Variants in USP35 observed in about 807,000 individuals in gnomAD.
The protein encoded by USP35 is ubiquitin specific peptidase 35.
Under a neutral mutation model 83.8 loss-of-function variants are expected in USP35, and 69 were observed. That is an observed-to-expected ratio of 0.82 (90% CI 0.68 to 1.01). The LOEUF is 1.01. Ranked by LOEUF, USP35 falls within the 50% of genes least tolerant of loss-of-function variation. The probability of loss-of-function intolerance (pLI) is 0.00; values close to 1 mark genes in which losing one functional copy is unlikely to be tolerated. For synonymous variants in USP35, 714 were observed against 589.5 expected (o/e 1.21, Z -3.06); for missense variants, 1,503 against 1,362.5 (o/e 1.10, Z -1.62).
rs149083289 is a variant in USP35, at chr11:78,205,773, A to G, written c.1198-69A>G. On this transcript the variant is annotated intron_variant, in intron 6 of 10. Coordinates refer to ENST00000529308, the MANE Select transcript of USP35 (RefSeq NM_020798.4). ...GGCTGTATCTGAGAAGGCCTCCCAGAAGAGGTGGTAGTTTTTTGAGCTGAC... is the reference window on the plus strand; with the variant it reads ...GGCTGTATCTGAGAAGGCCTCCCAGGAGAGGTGGTAGTTTTTTGAGCTGAC... The G allele has an allele frequency of 1.9e-3, 2,853 of 1,535,114 alleles. 28 individuals are homozygous for G. In the African/African-American group the frequency reaches 0.033, roughly 18 times the overall value.
At chr11:78,199,527 C>G in intron 3 of USP35, 68 bp from the exon 4 acceptor site, 1 of 1,606,810 alleles carries the variant, frequency 6.2e-7, no homozygotes, top group South Asian at 1.1e-5. Context: ...CGGATAGCCC[C>G]TGGGCTGCCC....
At chr11:78,236,227 T>G in the USP35 span, among the ~76,000 whole-genome samples, 1 of 152,228 alleles carries the variant, frequency 6.6e-6, no homozygotes, top group Non-Finnish European at 1.5e-5. Flanking sequence ...TTAAAATTTT[T>G]TCATTTTCCA....
chr11:78,236,179 C>T, the USP35 span, among the ~76,000 whole-genome samples: 1 of 152,132 alleles, frequency 6.6e-6, no homozygotes, highest in Non-Finnish European at 1.5e-5. Context: ...AATTTATTCC[C>T]AAGTATTCCA....
chr11:78,223,737 G>T, the USP35 span: 33 of 1,362,324 alleles, frequency 2.4e-5, no homozygotes, highest in Non-Finnish European at 3.2e-5. Flanking sequence ...CAGGAAGGGG[G>T]TAAGACTTTG....
chr11:78,226,528 C>A, the USP35 span: 1 of 1,603,648 alleles, frequency 6.2e-7, no homozygotes, highest in African/African-American at 1.4e-5. Flanking sequence ...GTGGCAGCGA[C>A]AGATCTGCTA....
intron 3 of USP35, chr11:78,198,499 C>T (rs1863226833): frequency 1.9e-6 from 1 of 527,274 alleles, no homozygotes; most frequent in Non-Finnish European, 2.4e-6. Flanking sequence ...TCCCCCACCT[C>T]ATCTGAACGT....
the USP35 span, among the ~76,000 whole-genome samples, chr11:78,223,045 C>G: frequency 3.3e-5 from 5 of 152,176 alleles, no homozygotes; most frequent in Non-Finnish European, 5.9e-5. Context: ...TTGGCCAGAC[C>G]CACAGGGGGC....
At chr11:78,227,276 C>A in the USP35 span, among the ~76,000 whole-genome samples, 1 of 152,176 alleles carries the variant, frequency 6.6e-6, no homozygotes, top group Non-Finnish European at 1.5e-5. Context: ...GGGGTTATAA[C>A]CCCCACTCCC....
intron 8 of USP35, among the ~76,000 whole-genome samples, 154 bp downstream of exon 8, chr11:78,207,777 T>A (rs1444679195): frequency 1.3e-5 from 2 of 152,314 alleles, no homozygotes; most frequent in East Asian, 1.9e-4. Context: ...TGGAACTGAT[T>A]TAGTGCCCTG....
At position 78,196,538 on chromosome 11, in the gene USP35, C is replaced by G; in HGVS notation, c.293C>G (p.Pro98Arg). ...LLQGGAGPPG[P>R]RALACVQLGL... ...CAGGGTGGCGCCGGCCCCCCGGGCC[C>G]CCGCGCGCTCGCCTGCGTGCAGCTG... The change falls in exon 2 of 11, where the codon CCC becomes CGC. Residue 98 changes from proline to arginine, a missense_variant. Physicochemically the swap from Pro to Arg is moderately radical, Grantham distance 103. Transcript: ENST00000529308. This position sits in a 1 kb window ranked among gnomAD's most constrained non-coding sequence, Gnocchi z 4.8. 1 of 1,230,106 alleles carries G rather than the reference C, an allele frequency of 8.1e-7. No homozygotes were observed. The allele number at this position is 1,230,106 out of a possible 1,614,324, so 76.2% of individuals were successfully genotyped here. A position where few individuals can be genotyped will look rare whatever the true frequency, so the allele number is the denominator to read the frequency against.
At chr11:78,206,111 T>G in intron 7 of USP35, 76 bp downstream of exon 7, 4 of 1,479,822 alleles carry the variant, frequency 2.7e-6, no homozygotes, top group Non-Finnish European at 2.8e-6. Flanking sequence ...TGGAAAGGTG[T>G]CCGGGGTGGG....
chr11:78,192,064 C>G (rs2137021332), intron 1 of USP35, among the ~76,000 whole-genome samples: 1 of 152,244 alleles, frequency 6.6e-6, no homozygotes, highest in East Asian at 1.9e-4. Flanking sequence ...AGGACCTCAT[C>G]TTTTTTATAC....
At chr11:78,208,991 T>C in intron 9 of USP35, 28 bp downstream of exon 9, 3 of 1,609,212 alleles carry the variant, frequency 1.9e-6, no homozygotes, top group Non-Finnish European at 2.6e-6. Flanking sequence ...ACGCGAAGAC[T>C]CCAGGTCTAG....
At chr11:78,225,172 T>A in the USP35 span, 1 of 1,613,018 alleles carries the variant, frequency 6.2e-7, no homozygotes, top group Admixed American at 1.7e-5. Flanking sequence ...TCCACCACGC[T>A]GTGGGTACTC....
chr11:78,231,336 G>GGTGTGTGTGTGCGTGTGT, the USP35 span, among the ~76,000 whole-genome samples: 132 of 145,896 alleles, frequency 9.0e-4, 1 homozygote, highest in African/African-American at 3.2e-3. Context: ...GCGCGTGTGT[G>GGTGTGTGTGTGCGTGTGT]GTGTGTGTGT....
intron 9 of USP35, 120 bp downstream of exon 9, chr11:78,209,083 G>A: frequency 9.5e-7 from 1 of 1,051,774 alleles, no homozygotes; most frequent in Non-Finnish European, 1.4e-6. Flanking sequence ...AACATGTGGA[G>A]GGCGTGGAGA....
At chr11:78,227,792 CCT>C in the USP35 span, among the ~76,000 whole-genome samples, 2 of 151,904 alleles carry the variant, frequency 1.3e-5, no homozygotes, top group Non-Finnish European at 2.9e-5. Flanking sequence ...AGAATGAGAC[CCT>C]GTTTCAAAAA....
intron 7 of USP35, 46 bp from the exon 8 acceptor site, chr11:78,207,484 T>C (rs1863566122): frequency 1.3e-6 from 2 of 1,598,980 alleles, no homozygotes; most frequent in African/African-American, 2.7e-5. Flanking sequence ...TAGAGACTCC[T>C]TGGGGGCCCA....
rs913180562 is a variant in USP35, at chr11:78,208,615, A to G, written c.1486-242A>G. On this transcript the variant is annotated intron_variant, in intron 8 of 10. Transcript: ENST00000529308. ...AGAATGTTTGAGGTGTGCCAGGAAG[A>G]GAAGATTCCTAGAGCCTCGTTCATT... is the stretch of plus-strand genomic sequence containing the variant. Among the ~76,000 whole-genome samples the G allele has an allele frequency of 2.6e-5, 4 of 152,298 alleles. No individual in the cohort carries two copies. The East Asian group carries it at 7.7e-4, about 29-fold the overall frequency.
Sources: gnomAD v4.1 joint callset for allele counts (sites outside exome capture counted in the v4.1 genomes callset) on GRCh38, gnomAD v4.1.1 for gene constraint, Gnocchi (gnomAD v3.1) non-coding constraint, MANE v1.5 for transcripts, NCBI Gene and HGNC (gene_info 2026-07-23, HGNC 2026-07-21) for gene names.